The following NBPF9 variants were observed in gnomAD, a reference collection of about 807,000 sequenced individuals.
NBPF9 encodes NBPF family member NBPF9.
Under a neutral mutation model 97.8 loss-of-function variants are expected in NBPF9, and 91 were observed. The observed-to-expected ratio is 0.93, with a 90% CI of 0.79 to 1.11. NBPF9 has a LOEUF of 1.11. Among genes scored for constraint, NBPF9 ranks in the 50% least tolerant of loss-of-function variants. The pLI is 0.00. For missense variants in NBPF9, 992 were observed against 939.5 expected, an observed-to-expected ratio of 1.06 and a Z score of -0.73; for synonymous variants, 334 against 359.5, an observed-to-expected ratio of 0.93 and a Z score of 0.80.
chr1:149,072,962 A>G (rs782485528), intron 13 of NBPF9, 30 bp from the exon 14 acceptor site: 4 of 1,601,522 alleles, frequency 2.5e-6, no homozygotes, highest in Non-Finnish European at 2.6e-6. Context: ...AAAAATTAAG[A>G]GTGGAAAGGG....
At chr1:149,073,611 C>G (rs1473971001) in intron 13 of NBPF9, among the ~76,000 whole-genome samples, 157 bp downstream of exon 13, 1 of 150,390 alleles carries the variant, frequency 6.6e-6, no homozygotes, top group Non-Finnish European at 1.5e-5. Context: ...TATTATCCTT[C>G]TTCTCTGTTT....
At chr1:149,074,225 G>A (rs1478297313) in intron 12 of NBPF9, among the ~76,000 whole-genome samples, 1 of 151,460 alleles carries the variant, frequency 6.6e-6, no homozygotes, top group Admixed American at 6.6e-5. Context: ...GGGGCATGAA[G>A]TAGTGATTTC....
intron 11 of NBPF9, among the ~76,000 whole-genome samples, chr1:149,076,363 A>G (rs1553654316): frequency 6.6e-6 from 1 of 150,810 alleles, no homozygotes; most frequent in Non-Finnish European, 1.5e-5. Flanking sequence ...ATGCCAGCTA[A>G]TTTTTGTATT....
chr1:149,103,351 C>G (rs71527377), exon 1 of NBPF9: 1 of 152,100 alleles, frequency 6.6e-6, no homozygotes, highest in Non-Finnish European at 1.5e-5. Flanking sequence ...CCCATCCAGA[C>G]GGCAGCCGCG....
At chr1:149,062,322 C>G in intron 21 of NBPF9, 57 bp from the exon 22 acceptor site, 1 of 620,360 alleles carries the variant, frequency 1.6e-6, no homozygotes, top group Non-Finnish European at 2.9e-6. Context: ...ACCACACAGC[C>G]CCAGCTAGAT....
rs1323077428 is a variant in NBPF9 at position 149,095,813 on chromosome 1, C to T, written c.-337+2625G>A. ...AAACGGTGAACACACCAAATGCTGT[C>T]GAAGATGAGGAACAACCAGAACTCT... On this transcript the variant is annotated intron_variant, in intron 4 of 29. Coordinates refer to ENST00000584027, the Ensembl canonical transcript of NBPF9. 3.9e-5 allele frequency among the ~76,000 whole-genome samples: 6 copies of T among 151,976 alleles called. No homozygotes were observed. In the South Asian group the frequency reaches 8.3e-4, roughly 21 times the overall value.
In NBPF9 at chr1:149,064,301, A is replaced by C. The variant is rs1176865240; in HGVS notation, c.1853+130T>G. On this transcript the variant is annotated intron_variant, in intron 19 of 29. Transcript: ENST00000584027. Reference sequence around the variant, plus strand: ...TTTACTCTAATGAGAACCAAAAAGCAATGTAGTAGGCATAATTCATACTTG... The same window carrying C: ...TTTACTCTAATGAGAACCAAAAAGCCATGTAGTAGGCATAATTCATACTTG... The C allele has an allele frequency of 3.0e-4, 227 of 753,946 alleles. 1 individual carries two copies. Among genetic ancestry groups the C allele is most frequent in the South Asian group, 3.9e-4 (25 of 64,396 alleles). 46.7% of individuals were successfully genotyped at this position (753,946 alleles called of 1,614,324 possible).
At chr1:149,089,386 A>ATACT (rs2081261580) in intron 5 of NBPF9, among the ~76,000 whole-genome samples, 1 of 152,166 alleles carries the variant, frequency 6.6e-6, no homozygotes, top group African/African-American at 2.4e-5. Context: ...CTATTGCCAG[A>ATACT]TACTCAGTGC....
chr1:149,103,097 G>C lies in NBPF9; in HGVS notation c.-843+204C>G, dbSNP rs1440858553. On this transcript the variant is annotated intron_variant, in intron 1 of 29. Coordinates refer to ENST00000584027, the Ensembl canonical transcript of NBPF9. ...TTCTTCCCCAGCGCCCAAGAGATGA[G>C]GGCTGCGGGCGGCAGCGGCAAGCGA... Among the ~76,000 whole-genome samples the C allele has an allele frequency of 2.9e-3, 436 of 152,146 alleles. 1 individual carries two copies. Among genetic ancestry groups the C allele is most frequent in the Middle Eastern group, 6.8e-3 (2 of 294 alleles).
chr1:149,086,542 C>G (rs2081017508), intron 5 of NBPF9, among the ~76,000 whole-genome samples: 1 of 151,682 alleles, frequency 6.6e-6, no homozygotes, highest in Non-Finnish European at 1.5e-5. Context: ...GGGCCCCCAG[C>G]ACCTAGACCC....
intron 3 of NBPF9, among the ~76,000 whole-genome samples, chr1:149,099,733 C>T (rs2082022323): frequency 6.6e-6 from 1 of 151,678 alleles, no homozygotes; most frequent in Admixed American, 6.6e-5. Flanking sequence ...GCCTGTAATC[C>T]CAACACTTTG....
chr1:149,067,631 G>A (rs1575832584), intron 17 of NBPF9, among the ~76,000 whole-genome samples: 2 of 151,232 alleles, frequency 1.3e-5, no homozygotes, highest in African/African-American at 4.9e-5. Flanking sequence ...CCCTACAAAG[G>A]ACATGAACTC....
chr1:149,060,338 C>T lies in NBPF9; in HGVS notation c.2476+185G>A, dbSNP rs651920. On this transcript the variant is annotated intron_variant, in intron 24 of 29. Coordinates refer to ENST00000584027, the Ensembl canonical transcript of NBPF9. ...CCTGAGACTAGGAAGAGAGTCTTGCCCACTGACCCATCCCTCATCTGGGCT... is the reference window on the plus strand; with the variant it reads ...CCTGAGACTAGGAAGAGAGTCTTGCTCACTGACCCATCCCTCATCTGGGCT... 218 of 458,800 alleles carry T rather than the reference C, an allele frequency of 4.8e-4. 53 individuals carry two copies. Among genetic ancestry groups the T allele is most frequent in the South Asian group, 5.6e-4 (23 of 41,064 alleles). 28.4% of individuals were successfully genotyped at this position (458,800 alleles called of 1,614,324 possible).
rs1553653270 is a variant in NBPF9 at position 149,072,788 on chromosome 1, C to T, written c.1236G>A (p.Gly412=). 38 of 1,579,630 alleles carry T rather than the reference C, an allele frequency of 2.4e-5. 1 individual carries two copies. The highest frequency in any genetic ancestry group is 4.5e-5 in the East Asian group (2 of 44,700). Residue 412 remains glycine (G), a synonymous_variant, in exon 14 of 30, where the codon GGG becomes GGA. Transcript: ENST00000584027. ...CAGCCAGCTGTTCTTGGAGGTCCTG[C>T]CCCTGGGACTTGTCCGGCTCATCCG...
exon 12 of NBPF9, chr1:149,075,689 C>T (rs1553654122): frequency 2.5e-6 from 4 of 1,610,390 alleles, no homozygotes; most frequent in Non-Finnish European, 3.4e-6. Flanking sequence ...GGAAGCCGGC[C>T]AGTTGAGTTA....
intron 3 of NBPF9, among the ~76,000 whole-genome samples, chr1:149,099,709 C>T (rs868941449): frequency 9.9e-5 from 15 of 152,148 alleles, no homozygotes; most frequent in Admixed American, 4.6e-4. Flanking sequence ...AAATGGCCAG[C>T]GGTGATGGCT....
intron 15 of NBPF9, 117 bp from the exon 16 acceptor site, chr1:149,071,256 T>G: frequency 7.5e-7 from 1 of 1,325,296 alleles, no homozygotes; most frequent in Non-Finnish European, 1.1e-6. Context: ...GAAAGCAAAA[T>G]GGAGGTTCCC....
In NBPF9 at chr1:149,059,840, T is replaced by A. The variant is rs1449894164; in HGVS notation, c.2477-32A>T. 7.9e-5 allele frequency: 42 copies of A among 531,238 alleles called. 14 individuals are homozygous for A. The Admixed American group carries it at 1.1e-3, about 14-fold the overall frequency. The allele number at this position is 531,238 out of a possible 1,614,324, so 32.9% of individuals were successfully genotyped here. ...TAAATTCAGACATGGACAGACACAT[T>A]AAGCTGATTCCCCTACACATATAAC... is the stretch of plus-strand genomic sequence containing the variant. On this transcript the variant is annotated intron_variant, in intron 24 of 29. Transcript: ENST00000584027.
At chr1:149,086,544 C>A (rs1382068688) in intron 5 of NBPF9, among the ~76,000 whole-genome samples, 2 of 151,568 alleles carry the variant, frequency 1.3e-5, no homozygotes, top group Non-Finnish European at 2.9e-5. Flanking sequence ...GCCCCCAGCA[C>A]CTAGACCCAT....
Sources: gnomAD v4.1 joint callset for allele counts (sites outside exome capture counted in the v4.1 genomes callset) on GRCh38, gnomAD v4.1.1 for gene constraint, MANE v1.5 for transcripts, NCBI Gene and HGNC (gene_info 2026-07-23, HGNC 2026-07-21) for gene names.